Variants in LTBP1 observed in about 807,000 individuals in gnomAD.
LTBP1 encodes the protein latent-transforming growth factor beta-binding protein 1.
LTBP1 carries 129 observed loss-of-function variants against 207.6 expected under a neutral mutation model. The observed-to-expected ratio is 0.62, with a 90% confidence interval of 0.54 to 0.72. The LOEUF is 0.72. Among genes scored for constraint, LTBP1 ranks in the 30% least tolerant of loss-of-function variants. The pLI, the probability that LTBP1 is intolerant of heterozygous loss-of-function variation, is 0.00. For synonymous variants in LTBP1, 963 were observed against 833.7 expected, an observed-to-expected ratio of 1.16 and a Z score of -2.67; for missense variants, 2,281 against 2,217.2, an observed-to-expected ratio of 1.03 and a Z score of -0.58.
chr2:33,333,335 G>A (rs764370122), intron 24 of LTBP1, among the ~76,000 whole-genome samples: 2 of 152,018 alleles, frequency 1.3e-5, no homozygotes, highest in African/African-American at 4.8e-5. Flanking sequence ...TTTAAGTACA[G>A]TGTTTCTGTT....
In LTBP1 at chr2:33,368,802, G is replaced by C. The variant is rs372419537; in HGVS notation, c.4711+3299G>C. Reference sequence around the variant, plus strand: ...TGAGGTGGGAGGATGGCTTCAGCCCGGGAGGCAGAGGTTGCAGTGGGCCAA... The same window carrying C: ...TGAGGTGGGAGGATGGCTTCAGCCCCGGAGGCAGAGGTTGCAGTGGGCCAA... On this transcript the variant is annotated intron_variant, in intron 31 of 33. Coordinates refer to ENST00000404816, the MANE Select transcript of LTBP1 (RefSeq NM_206943.4). Among the ~76,000 whole-genome samples the C allele has an allele frequency of 2.6e-4, 39 of 152,262 alleles. No individual in the cohort carries two copies. In the East Asian group the frequency reaches 3.3e-3, roughly 13 times the overall value.
At chr2:33,044,668 G>A (rs2076356908) in intron 3 of LTBP1, among the ~76,000 whole-genome samples, 1 of 152,184 alleles carries the variant, frequency 6.6e-6, no homozygotes, top group African/African-American at 2.4e-5. Flanking sequence ...TCTGGTTCTA[G>A]ATCCTTGAGG....
At chr2:33,296,820 C>G (rs982436543) in intron 20 of LTBP1, among the ~76,000 whole-genome samples, 4 of 152,098 alleles carry the variant, frequency 2.6e-5, no homozygotes, top group African/African-American at 9.7e-5. Context: ...TATCTTACTT[C>G]ACTAAGCCTT....
intron 4 of LTBP1, among the ~76,000 whole-genome samples, chr2:33,128,576 G>A (rs2081582459): frequency 6.6e-6 from 1 of 152,170 alleles, no homozygotes. Context: ...TTTCATTTCT[G>A]AAAAAATGTA....
chr2:33,133,411 C>T (rs761832240), intron 4 of LTBP1, among the ~76,000 whole-genome samples: 1 of 152,166 alleles, frequency 6.6e-6, no homozygotes, highest in African/African-American at 2.4e-5. Context: ...TGCTTCTTGA[C>T]GGCCTTAAAG....
chr2:33,286,791 T>A (rs919638710), intron 19 of LTBP1, among the ~76,000 whole-genome samples: 14 of 152,194 alleles, frequency 9.2e-5, no homozygotes, highest in Non-Finnish European at 4.4e-5. Context: ...GGGACAGGGA[T>A]GAAGCTGGAA....
At chr2:32,981,943 A>G (rs2148727981) in intron 2 of LTBP1, among the ~76,000 whole-genome samples, 1 of 152,312 alleles carries the variant, frequency 6.6e-6, no homozygotes, top group Middle Eastern at 3.4e-3. Context: ...AGCAGTATGA[A>G]AATGGACTAA....
chr2:33,096,125 A>T (rs1364314196), intron 3 of LTBP1, among the ~76,000 whole-genome samples: 1 of 152,172 alleles, frequency 6.6e-6, no homozygotes, highest in Non-Finnish European at 1.5e-5. Context: ...AAATCTTGAG[A>T]GCAGCCAGAG....
intron 20 of LTBP1, among the ~76,000 whole-genome samples, chr2:33,299,982 C>T (rs551731506): frequency 6.6e-6 from 1 of 152,290 alleles, no homozygotes; most frequent in South Asian, 2.1e-4. Context: ...ACTGTTTGGC[C>T]TTATAGTTCA....
Position 33,234,575 on chromosome 2 carries a change from A to G in LTBP1, c.1877-9087A>G, listed in dbSNP as rs921576731. On this transcript the variant is annotated intron_variant, in intron 9 of 33. Transcript: ENST00000404816. ...CCACTGCTCAAAGAAATAAGAGAGG[A>G]CACAAACAAATGGAAAAACATTCCA... Among the ~76,000 whole-genome samples, 14 of 152,318 alleles carry G rather than the reference A, an allele frequency of 9.2e-5. No individual in the cohort carries two copies. The East Asian group carries it at 2.3e-3, about 25-fold the overall frequency.
chr2:33,020,870 T>G (rs748916693), intron 2 of LTBP1, 39 bp from the exon 3 acceptor site: 1 of 1,525,444 alleles, frequency 6.6e-7, no homozygotes, highest in Admixed American at 2.0e-5. Flanking sequence ...GTCTACAATG[T>G]TGTTCTTCAA....
intron 1 of LTBP1, among the ~76,000 whole-genome samples, chr2:32,948,028 C>A (rs1676518060): frequency 6.6e-6 from 1 of 152,202 alleles, no homozygotes; most frequent in Non-Finnish European, 1.5e-5. Flanking sequence ...CGTGAAACTC[C>A]GAGTGCATTG....
At position 32,947,603 on chromosome 2, in the gene LTBP1, G is replaced by T. The variant is rs1296778231; in HGVS notation, c.279G>T (p.Ala93=). Residue 93 remains alanine, a synonymous_variant, in exon 1 of 34, where the codon GCG becomes GCT. Coordinates refer to ENST00000404816, the MANE Select transcript of LTBP1 (RefSeq NM_206943.4). The stretch of plus-strand genomic sequence containing the variant: ...GGCGCACGAGCAAGCCGGGCGGCGC[G>T]GCCCTGCAGGGGCTCAGACCGCCGC... ...RTRRTSKPGG[A]ALQGLRPPPP... 3 of 1,305,360 alleles carry T rather than the reference G, an allele frequency of 2.3e-6. No homozygotes were observed. 80.9% of individuals were successfully genotyped at this position (1,305,360 alleles called of 1,614,324 possible). A position where few individuals can be genotyped will look rare whatever the true frequency, so the allele number is the denominator to read the frequency against.
At chr2:33,154,585 T>C (rs2083801700) in intron 5 of LTBP1, among the ~76,000 whole-genome samples, 2 of 152,240 alleles carry the variant, frequency 1.3e-5, no homozygotes. Context: ...CTTATTGAAC[T>C]GGACTGAATT....
At chr2:33,301,260 G>A (rs1159379351) in intron 21 of LTBP1, among the ~76,000 whole-genome samples, 3 of 152,076 alleles carry the variant, frequency 2.0e-5, no homozygotes, top group Admixed American at 1.3e-4. Context: ...GAGAGGAAAC[G>A]CCATTTCTTA....
chr2:33,378,063 GTT>G (rs2095164273), intron 31 of LTBP1, among the ~76,000 whole-genome samples: 1 of 152,126 alleles, frequency 6.6e-6, no homozygotes, highest in Middle Eastern at 3.2e-3. Context: ...AGTCTTAGCA[GTT>G]TTACCTTTCT....
chr2:32,975,583 GTTTTTTTTTTTTTTTTTT>G (rs779168923), intron 2 of LTBP1, among the ~76,000 whole-genome samples: 519 of 31,388 alleles, frequency 0.017, 12 homozygotes, highest in African/African-American at 0.064. Flanking sequence ...TTCATTCTTT[GTTTTTTTTTTTTTTTTTT>G]TTTTTTTTTT....
At chr2:33,170,220 C>T (rs528813303) in intron 5 of LTBP1, among the ~76,000 whole-genome samples, 2,268 of 152,262 alleles carry the variant, frequency 0.015, 61 homozygotes, top group African/African-American at 0.052. Context: ...ACTCGGGAAG[C>T]GCAAGGGGTC....
chr2:33,389,041 C>A, intron 31 of LTBP1, 143 bp from the exon 32 acceptor site: 1 of 1,155,446 alleles, frequency 8.7e-7, no homozygotes, highest in Non-Finnish European at 1.2e-6. Context: ...TATTCAGACA[C>A]TTTCCAGGCT....
Sources: gnomAD v4.1 joint callset for allele counts (sites outside exome capture counted in the v4.1 genomes callset) on GRCh38, gnomAD v4.1.1 for gene constraint, MANE v1.5 for transcripts, NCBI Gene and HGNC (gene_info 2026-07-23, HGNC 2026-07-21) for gene names.